PPP2R2C: variants seen among roughly 807,000 people sequenced by gnomAD.
PPP2R2C encodes the protein protein phosphatase 2, regulatory subunit B, gamma.
A neutral mutation model predicts 45.3 loss-of-function variants in PPP2R2C; 10 were observed. That is an observed-to-expected ratio of 0.22 (90% CI 0.14 to 0.37). PPP2R2C has a LOEUF of 0.37. Among genes scored for constraint, PPP2R2C ranks in the 10% least tolerant of loss-of-function variants. PPP2R2C has a pLI of 1.00. For synonymous variants in PPP2R2C, 257 were observed against 245.4 expected (o/e 1.05, Z -0.44); for missense variants, 308 against 619.7 (o/e 0.50, Z 5.34).
chr4:6,352,300 C>T (rs1377799048), intron 5 of PPP2R2C, among the ~76,000 whole-genome samples: 1 of 152,202 alleles, frequency 6.6e-6, no homozygotes, highest in African/African-American at 2.4e-5. Context: ...GCAAGCCTTG[C>T]TTTCCCCATC....
At chr4:6,423,253 G>T (rs1033554900) in intron 1 of PPP2R2C, among the ~76,000 whole-genome samples, 7 of 152,314 alleles carry the variant, frequency 4.6e-5, no homozygotes, top group Admixed American at 2.6e-4. Flanking sequence ...ACCCAGGCTG[G>T]AGTGCAGTGG....
At chr4:6,463,669 G>C (rs553436768) in intron 1 of PPP2R2C, among the ~76,000 whole-genome samples, 15 of 152,216 alleles carry the variant, frequency 9.9e-5, no homozygotes, top group African/African-American at 3.6e-4. Flanking sequence ...GGGGACAAGT[G>C]TTATGCCACT....
chr4:6,494,754 G>A (rs1358604598), intron 2 of PPP2R2C, among the ~76,000 whole-genome samples: 1 of 152,234 alleles, frequency 6.6e-6, no homozygotes, highest in African/African-American at 2.4e-5. Context: ...GAAGGGAGAA[G>A]GCCATACTTG....
intron 1 of PPP2R2C, among the ~76,000 whole-genome samples, chr4:6,539,655 G>T (rs1199737006): frequency 6.6e-6 from 1 of 152,198 alleles, no homozygotes; most frequent in Non-Finnish European, 1.5e-5. Flanking sequence ...AGAAGCGCCT[G>T]CCGACCAGGC....
At chr4:6,546,814 T>C (rs1211888025) in intron 1 of PPP2R2C, among the ~76,000 whole-genome samples, 2 of 152,084 alleles carry the variant, frequency 1.3e-5, no homozygotes, top group African/African-American at 4.8e-5. Context: ...CGCCCTCTGG[T>C]GGTCCTTATG....
intron 1 of PPP2R2C, among the ~76,000 whole-genome samples, chr4:6,398,372 C>G (rs553809699): frequency 3.9e-5 from 6 of 152,050 alleles, no homozygotes; most frequent in Non-Finnish European, 8.8e-5. Flanking sequence ...CCTCTTGTAG[C>G]CCGGATGTAT....
chr4:6,348,551 T>C (rs1049936072), intron 5 of PPP2R2C: 3 of 762,146 alleles, frequency 3.9e-6, no homozygotes, highest in Admixed American at 1.3e-4. Context: ...CTGACCACAG[T>C]ATGGAGATTC....
chr4:6,402,875 G>A (rs1717509059), intron 1 of PPP2R2C, among the ~76,000 whole-genome samples: 1 of 152,352 alleles, frequency 6.6e-6, no homozygotes, highest in Middle Eastern at 3.4e-3. Context: ...TGGCAGAGAG[G>A]AGGGAGGCAG....
At chr4:6,533,280 T>G (rs1319284819) in intron 2 of PPP2R2C, among the ~76,000 whole-genome samples, 5 of 152,206 alleles carry the variant, frequency 3.3e-5, no homozygotes, top group Admixed American at 2.0e-4. Context: ...CCAAATCCTC[T>G]TAGGCCCATG....
At chr4:6,468,331 G>A (rs1721688087) in intron 1 of PPP2R2C, among the ~76,000 whole-genome samples, 2 of 152,182 alleles carry the variant, frequency 1.3e-5, no homozygotes, top group Non-Finnish European at 2.9e-5. Context: ...CAATTCCCAA[G>A]CATCCTTCAC....
At chr4:6,522,761 C>T (rs1724066971) in intron 2 of PPP2R2C, among the ~76,000 whole-genome samples, 1 of 152,256 alleles carries the variant, frequency 6.6e-6, no homozygotes, top group Non-Finnish European at 1.5e-5. Flanking sequence ...TTCTCCTTGG[C>T]CCCTGGTTCT....
Position 6,330,723 on chromosome 4 carries a change from A to G in PPP2R2C, c.961-1370T>C, listed in dbSNP as rs1249438367. On this transcript the variant is annotated intron_variant, in intron 7 of 8. Coordinates refer to ENST00000382599, the MANE Select transcript of PPP2R2C (RefSeq NM_020416.4). The surrounding 1 kb of genome is among the most constrained non-coding windows in gnomAD (Gnocchi z 7.0). The stretch of plus-strand genomic sequence containing the variant: ...CCTGTTGGTTCTGTTTCTCTGAGCC[A>G]TCTGACTAATATGGTGGCAAGGACT... 6.6e-6 allele frequency among the ~76,000 whole-genome samples: 1 copy of G among 152,182 alleles called. No homozygotes were observed. Among genetic ancestry groups the G allele is most frequent in the Admixed American group, 6.5e-5 (1 of 15,278 alleles).
intron 2 of PPP2R2C, among the ~76,000 whole-genome samples, chr4:6,490,253 T>C (rs1722658801): frequency 6.6e-6 from 1 of 152,202 alleles, no homozygotes; most frequent in African/African-American, 2.4e-5. Context: ...CTGGGACTTA[T>C]GTCCTCCATC....
At chr4:6,463,911 T>C (rs1197956331) in intron 1 of PPP2R2C, among the ~76,000 whole-genome samples, 1 of 152,200 alleles carries the variant, frequency 6.6e-6, no homozygotes, top group Non-Finnish European at 1.5e-5. Context: ...CCAGGTAGTC[T>C]AGTTCAAATC....
chr4:6,361,413 T>C (rs577985146), intron 5 of PPP2R2C, among the ~76,000 whole-genome samples: 50 of 152,336 alleles, frequency 3.3e-4, no homozygotes, highest in Middle Eastern at 6.8e-3. Context: ...AGCTTGAAAG[T>C]CCAGCCCCAC....
chr4:6,517,676 C>T (rs1452549884), intron 2 of PPP2R2C, among the ~76,000 whole-genome samples: 1 of 152,148 alleles, frequency 6.6e-6, no homozygotes, highest in Non-Finnish European at 1.5e-5. Flanking sequence ...GAAATGCATC[C>T]CCTCCCCTGA....
At chr4:6,534,362 G>A (rs28574983) in intron 2 of PPP2R2C, among the ~76,000 whole-genome samples, 1 of 141,674 alleles carries the variant, frequency 7.1e-6, no homozygotes. Context: ...ACATCAATAC[G>A]TACACTAACA....
rs547980365 is a variant in PPP2R2C, at chr4:6,381,320, G to A, written c.71-226C>T. The A allele has an allele frequency of 2.6e-5, 40 of 1,519,938 alleles. No individual in the cohort carries two copies. In the African/African-American group the frequency reaches 2.9e-4, roughly 11 times the overall value. 94.2% of individuals were successfully genotyped at this position (1,519,938 alleles called of 1,614,324 possible). A position where few individuals can be genotyped will look rare whatever the true frequency, so the allele number is the denominator to read the frequency against. ...GCACTGGCTGCAGGGCAGAGATCTC[G>A]GGACTTGGCACAGGCCTGGGGCGAC... On this transcript the variant is annotated intron_variant, in intron 1 of 8. Coordinates refer to ENST00000382599, the MANE Select transcript of PPP2R2C (RefSeq NM_020416.4).
intron 3 of PPP2R2C, 102 bp from the exon 4 acceptor site, chr4:6,376,033 A>T: frequency 1.0e-6 from 1 of 968,504 alleles, no homozygotes; most frequent in Non-Finnish European, 1.6e-6. Context: ...CTCCTGGGGA[A>T]GGAGGGGGTT....
Sources: gnomAD v4.1 joint callset for allele counts (sites outside exome capture counted in the v4.1 genomes callset) on GRCh38, gnomAD v4.1.1 for gene constraint, Gnocchi (gnomAD v3.1) non-coding constraint, MANE v1.5 for transcripts, NCBI Gene and HGNC (gene_info 2026-07-23, HGNC 2026-07-21) for gene names.